The following LARGE1 variants were observed in gnomAD, a reference collection of about 807,000 sequenced individuals.
LARGE1 encodes LARGE xylosyl- and glucuronyltransferase 1.
A neutral mutation model predicts 87.6 loss-of-function variants in LARGE1; 43 were observed. The ratio of observed to expected loss-of-function variants is 0.49; its 90% CI spans 0.38 to 0.63. LARGE1 has a LOEUF of 0.63. Among genes scored for constraint, LARGE1 ranks in the 30% least tolerant of loss-of-function variants. The pLI, the probability that LARGE1 is intolerant of heterozygous loss-of-function variation, is 0.00. For synonymous variants in LARGE1, 434 were observed against 394.6 expected (o/e 1.10, Z -1.18); for missense variants, 802 against 1,000.2 (o/e 0.80, Z 2.67).
At chr22:33,106,026 A>G in the LARGE1 span, 2 of 152,248 alleles carry the variant, frequency 1.3e-5, no homozygotes, top group Non-Finnish European at 2.9e-5. Context: ...AAGCCAGATG[A>G]TGTCTGAGTT....
the LARGE1 span, among the ~76,000 whole-genome samples, chr22:33,069,580 A>G: frequency 3.3e-5 from 5 of 152,156 alleles, no homozygotes; most frequent in African/African-American, 1.2e-4. Flanking sequence ...GAGTGTAATA[A>G]TTGAACCTAT....
chr22:33,105,879 C>G, the LARGE1 span: 1 of 152,356 alleles, frequency 6.6e-6, no homozygotes, highest in African/African-American at 2.4e-5. Context: ...AGCCTGATGA[C>G]AAAGGGGAAG....
intron 11 of LARGE1, among the ~76,000 whole-genome samples, chr22:33,186,426 T>C (rs774984176): frequency 3.3e-5 from 5 of 152,110 alleles, no homozygotes; most frequent in Non-Finnish European, 7.4e-5. Context: ...GTAGCAAAAG[T>C]ATATGACACA....
intron 11 of LARGE1, among the ~76,000 whole-genome samples, chr22:33,206,337 C>T (rs1055593223): frequency 6.6e-6 from 1 of 152,122 alleles, no homozygotes; most frequent in Non-Finnish European, 1.5e-5. Flanking sequence ...AGTGGTCCAC[C>T]TGCCTCAGCC....
chr22:33,666,467 A>G lies in LARGE1; in HGVS notation c.107-15799T>C, dbSNP rs191344368. Among the ~76,000 whole-genome samples, 8 of 152,338 alleles carry G rather than the reference A, an allele frequency of 5.3e-5. No homozygotes were observed. The East Asian group carries it at 1.5e-3, about 29-fold the overall frequency. On this transcript the variant is annotated intron_variant, in intron 2 of 14. Transcript: ENST00000397394. ...GCAGGAGAGCTACCGCAGAGAGTGC[A>G]TGAGGCCATTATTTCTAGAGCTGTA...
chr22:33,358,985 G>A (rs2064282144), intron 9 of LARGE1, among the ~76,000 whole-genome samples: 1 of 141,654 alleles, frequency 7.1e-6, no homozygotes, highest in Non-Finnish European at 1.5e-5. Context: ...GCGACAGAGT[G>A]AGACTCCATC....
chr22:33,244,342 T>C (rs750142717), intron 11 of LARGE1, among the ~76,000 whole-genome samples: 1 of 152,172 alleles, frequency 6.6e-6, no homozygotes. Flanking sequence ...TCAATTATTG[T>C]CACAAATTCT....
intron 2 of LARGE1, among the ~76,000 whole-genome samples, chr22:33,665,973 A>G (rs574741951): frequency 3.3e-5 from 5 of 150,028 alleles, no homozygotes; most frequent in Admixed American, 1.3e-4. Flanking sequence ...TTTACTGCAA[A>G]AAGAAGTTAA....
chr22:33,275,225 C>CG (rs1188859049), intron 14 of LARGE1, among the ~76,000 whole-genome samples: 1 of 152,182 alleles, frequency 6.6e-6, no homozygotes, highest in African/African-American at 2.4e-5. Context: ...CCAGTATTCT[C>CG]AACTTGGCAG....
intron 5 of LARGE1, among the ~76,000 whole-genome samples, chr22:33,603,746 T>C (rs2079171741): frequency 1.3e-5 from 2 of 152,276 alleles, no homozygotes; most frequent in South Asian, 2.1e-4. Flanking sequence ...AGACTGGAAG[T>C]AGAATCAAGA....
At chr22:33,798,515 A>G (rs2086058314) in intron 1 of LARGE1, among the ~76,000 whole-genome samples, 1 of 152,192 alleles carries the variant, frequency 6.6e-6, no homozygotes, top group Admixed American at 6.5e-5. Context: ...AGAAGGAGCA[A>G]CCACTGGAGT....
intron 2 of LARGE1, among the ~76,000 whole-genome samples, chr22:33,686,414 G>A (rs532854944): frequency 6.6e-5 from 10 of 151,928 alleles, no homozygotes; most frequent in South Asian, 2.1e-4. Flanking sequence ...GTGGTGGTGC[G>A]TGCCTGTAAT....
chr22:33,164,749 C>T (rs959583545), exon 12 of LARGE1: 2 of 151,858 alleles, frequency 1.3e-5, no homozygotes, highest in East Asian at 1.9e-4. Flanking sequence ...AACTCCTGAC[C>T]TCAGATGATC....
At chr22:33,356,669 C>T (rs557425892) in intron 9 of LARGE1, among the ~76,000 whole-genome samples, 1 of 152,118 alleles carries the variant, frequency 6.6e-6, no homozygotes, top group South Asian at 2.1e-4. Flanking sequence ...ACTTGGGAGG[C>T]TGAGGCAGGA....
intron 2 of LARGE1, chr22:33,725,840 T>C (rs981356047): frequency 4.6e-5 from 7 of 151,902 alleles, no homozygotes; most frequent in Non-Finnish European, 7.4e-5. Context: ...AAACAATATT[T>C]AATAATTGCT....
the LARGE1 span, among the ~76,000 whole-genome samples, chr22:33,119,323 GC>G: frequency 6.6e-6 from 1 of 152,050 alleles, no homozygotes; most frequent in Non-Finnish European, 1.5e-5. Context: ...CATTTCTAAT[GC>G]TTTTATATAT....
At position 33,304,254 on chromosome 22, in the gene LARGE1, T is replaced by C. The variant is rs1208818239; in HGVS notation, c.1705A>G (p.Met569Val). The C allele has an allele frequency of 2.5e-6, 4 of 1,614,138 alleles. No homozygotes were observed. In the African/African-American group the frequency reaches 4.0e-5, roughly 16 times the overall value. The change falls in exon 12 of 15, where the codon ATG becomes GTG. Residue 569 changes from methionine (M) to valine (V), a missense_variant. Around this residue, in one of 2 missense-constraint regions of LARGE1, gnomAD observed 625 missense variants for 841.9 expected, o/e 0.74. Coordinates refer to ENST00000397394, the MANE Select transcript of LARGE1 (RefSeq NM_133642.5). The stretch of plus-strand genomic sequence containing the variant: ...CTGAGGTACTCATAGAGCCCATACA[T>C]GGGCAGGAAGTCAATGTCAGACAGG... Reference protein sequence around the residue: ...MFLSDIDFLPMYGLYEYLRKS... With the variant: ...MFLSDIDFLPVYGLYEYLRKS...
At chr22:33,369,729 C>G (rs760472397) in intron 9 of LARGE1, among the ~76,000 whole-genome samples, 1 of 152,042 alleles carries the variant, frequency 6.6e-6, no homozygotes, top group Non-Finnish European at 1.5e-5. Flanking sequence ...TCACCACACC[C>G]GGCTAATTTT....
the LARGE1 span, among the ~76,000 whole-genome samples, chr22:33,076,697 T>C: frequency 6.6e-6 from 1 of 152,084 alleles, no homozygotes; most frequent in East Asian, 1.9e-4. Flanking sequence ...TACAGATCTG[T>C]CCAATAGTGT....
Sources: gnomAD v4.1 joint callset for allele counts (sites outside exome capture counted in the v4.1 genomes callset) on GRCh38, gnomAD v4.1.1 for gene constraint, gnomAD v4.1.1 regional missense constraint, MANE v1.5 for transcripts, NCBI Gene and HGNC (gene_info 2026-07-23, HGNC 2026-07-21) for gene names.